Variants in SPECC1 observed in about 807,000 individuals in gnomAD.
SPECC1 encodes the protein cytospin-B.
SPECC1 carries 62 observed loss-of-function variants against 104.1 expected under a neutral mutation model. The ratio of observed to expected loss-of-function variants is 0.60; its 90% confidence interval spans 0.49 to 0.74. The LOEUF (loss-of-function observed/expected upper bound fraction) is 0.74, where lower values mean the gene tolerates loss of function less well. Among genes scored for constraint, SPECC1 ranks in the 30% least tolerant of loss-of-function variants. The pLI is 0.00. For missense variants in SPECC1, 1,306 were observed against 1,310.5 expected (o/e 1.00, Z 0.05); for synonymous variants, 513 against 501.6 (o/e 1.02, Z -0.30).
chr17:20,257,817 A>C (rs1356827330), intron 11 of SPECC1, among the ~76,000 whole-genome samples: 1 of 152,256 alleles, frequency 6.6e-6, no homozygotes, highest in Non-Finnish European at 1.5e-5. Flanking sequence ...GTAAAAAACA[A>C]TACTGCATAA....
In SPECC1 at chr17:20,077,462, G is replaced by GT. The variant is rs758407343; in HGVS notation, c.-21-19166dup. 1.6e-3 allele frequency among the ~76,000 whole-genome samples: 241 copies of GT among 148,628 alleles called. 2 individuals are homozygous for GT. The highest frequency in any genetic ancestry group is 4.3e-3 in the African/African-American group (168 of 38,696). On this transcript the variant is annotated intron_variant, in intron 1 of 14. Transcript: ENST00000395527. ...TAGCTTTTGTGGCTTTTTTTTGTTT[G>GT]TTTGTTTTGTTTTTTTGTTTTTGAG...
At chr17:20,056,510 A>C (rs1245096943) in intron 1 of SPECC1, 1 of 216,246 alleles carries the variant, frequency 4.6e-6, no homozygotes, top group Admixed American at 4.2e-5. Context: ...ATTGTGCTTC[A>C]AGGGATTAGG....
At position 20,253,539 on chromosome 17, in the gene SPECC1, G is replaced by A. The variant is rs2039710128; in HGVS notation, c.2633G>A (p.Ser878Asn). ...ACTTACAGCAGTGTGCGGCCAGCCAGCAGAGGGGTGACTCAACGCTTGGAC... is the reference window on the plus strand; with the variant it reads ...ACTTACAGCAGTGTGCGGCCAGCCAACAGAGGGGTGACTCAACGCTTGGAC... ...HSTYSSVRPA[S>N]RGVTQRLDLP... is the part of the protein sequence containing the mutation. The change falls in exon 10 of 15, where the codon AGC becomes AAC. Residue 878 changes from serine to asparagine, a missense_variant. By Grantham distance (46) the Ser-to-Asn change is conservative. This residue lies in a region of SPECC1 where 1,177 missense variants were observed against 1,139.9 expected (regional missense o/e 1.03). Coordinates refer to ENST00000395527, the MANE Select transcript of SPECC1 (RefSeq NM_001243439.2). 1.9e-6 allele frequency: 3 copies of A among 1,614,068 alleles called. No homozygotes were observed. Among genetic ancestry groups the A allele is most frequent in the Non-Finnish European group, 2.5e-6 (3 of 1,180,020 alleles).
chr17:20,056,498 C>T (rs955094646), intron 1 of SPECC1: 7 of 213,186 alleles, frequency 3.3e-5, no homozygotes, highest in Middle Eastern at 8.4e-4. Flanking sequence ...AGGGCTTTTT[C>T]GATTGTGCTT....
At chr17:20,253,438 A>G in intron 9 of SPECC1, 67 bp from the exon 10 acceptor site, 1 of 1,511,234 alleles carries the variant, frequency 6.6e-7, no homozygotes, top group Non-Finnish European at 9.2e-7. Context: ...GCACACACAC[A>G]CATCTGTGTT....
chr17:20,299,483 C>T (rs987209538), intron 13 of SPECC1, among the ~76,000 whole-genome samples: 2 of 141,944 alleles, frequency 1.4e-5, no homozygotes, highest in African/African-American at 5.5e-5. Context: ...TCACTTGACT[C>T]TGGGAGTTTG....
Position 20,253,337 on chromosome 17 carries a change from A to G in SPECC1, c.2599-168A>G, listed in dbSNP as rs72830200. On this transcript the variant is annotated intron_variant, in intron 9 of 14. Transcript: ENST00000395527. The stretch of plus-strand genomic sequence containing the variant: ...TTCATTGCTTTTGGGGATAGTGTCT[A>G]TTGCATGTATTACCTATTCAAATAA... Among the ~76,000 whole-genome samples the G allele has an allele frequency of 6.1e-3, 926 of 152,208 alleles. 8 individuals carry two copies. The highest frequency in any genetic ancestry group is 0.012 in the Admixed American group (189 of 15,288).
intron 3 of SPECC1, among the ~76,000 whole-genome samples, chr17:20,197,728 T>G (rs2036133073): frequency 6.6e-6 from 1 of 152,200 alleles, no homozygotes; most frequent in South Asian, 2.1e-4. Flanking sequence ...TTCAGGGATC[T>G]GTAGCCAAGT....
intron 14 of SPECC1, among the ~76,000 whole-genome samples, chr17:20,309,784 T>A (rs576451495): frequency 1.2e-4 from 18 of 151,980 alleles, no homozygotes; most frequent in African/African-American, 4.3e-4. Flanking sequence ...ACATTTTCTT[T>A]ATCCAGTCTA....
rs1597869817 is a variant in SPECC1 at position 20,169,061 on chromosome 17, C to CG, written c.284-35268dup. 2.6e-5 allele frequency among the ~76,000 whole-genome samples: 4 copies of CG among 152,126 alleles called. No individual in the cohort carries two copies. In the East Asian group the frequency reaches 7.7e-4, roughly 29 times the overall value. ...CTAATTTTTGTATTTTTTGTAGAGA[C>CG]GGGGTTTCACTATGTTGCCCAGGCT... On this transcript the variant is annotated intron_variant, in intron 3 of 14. Coordinates refer to ENST00000395527, the MANE Select transcript of SPECC1 (RefSeq NM_001243439.2).
intron 3 of SPECC1, among the ~76,000 whole-genome samples, chr17:20,133,631 A>T (rs2049772087): frequency 6.6e-6 from 1 of 152,150 alleles, no homozygotes; most frequent in Non-Finnish European, 1.5e-5. Flanking sequence ...CTCGGCCACC[A>T]TGGCTCCTGT....
In SPECC1 at chr17:20,298,976, TAGA is replaced by T. The variant is rs1476847980; in HGVS notation, c.3057+1900_3057+1902del. ...GTGTGTGTGTGTGTGTGTGTGTATG[TAGA>T]GAGAGAGAGAGAGAGAGGTGGGGGC... On this transcript the variant is annotated intron_variant, in intron 13 of 14. Coordinates refer to ENST00000395527, the MANE Select transcript of SPECC1 (RefSeq NM_001243439.2). Among the ~76,000 whole-genome samples, 55 of 77,408 alleles carry T rather than the reference TAGA, an allele frequency of 7.1e-4. 7 individuals are homozygous for T. Among genetic ancestry groups the T allele is most frequent in the East Asian group, 4.8e-3 (7 of 1,460 alleles). The allele number at this position is 77,408 out of a possible 152,430, so 50.8% of individuals were successfully genotyped here.
intron 4 of SPECC1, among the ~76,000 whole-genome samples, chr17:20,213,825 A>G (rs1597994310): frequency 6.6e-6 from 1 of 152,266 alleles, no homozygotes; most frequent in Middle Eastern, 3.4e-3. Context: ...TGGTGGAGAC[A>G]CCAGCCAAGC....
At chr17:20,134,538 C>T (rs147635388) in intron 3 of SPECC1, among the ~76,000 whole-genome samples, 1 of 152,272 alleles carries the variant, frequency 6.6e-6, no homozygotes, top group Non-Finnish European at 1.5e-5. Context: ...GTGCTTCGTA[C>T]TTCTAGTTGT....
At chr17:20,283,012 C>T (rs2040826480) in intron 12 of SPECC1, among the ~76,000 whole-genome samples, 1 of 151,886 alleles carries the variant, frequency 6.6e-6, no homozygotes, top group Non-Finnish European at 1.5e-5. Flanking sequence ...GACCCCATCT[C>T]TAAGAAAAGA....
In SPECC1 at chr17:20,298,977, A is replaced by G. The variant is rs201243626; in HGVS notation, c.3057+1900A>G. Among the ~76,000 whole-genome samples the G allele has an allele frequency of 0.013, 214 of 16,554 alleles. No homozygotes were observed. In the African/African-American group the frequency reaches 0.19, roughly 15 times the overall value. 10.9% of individuals were successfully genotyped at this position (16,554 alleles called of 152,430 possible). A position where few individuals can be genotyped will look rare whatever the true frequency, so the allele number is the denominator to read the frequency against. On this transcript the variant is annotated intron_variant, in intron 13 of 14. Coordinates refer to ENST00000395527, the MANE Select transcript of SPECC1 (RefSeq NM_001243439.2). ...TGTGTGTGTGTGTGTGTGTGTATGTAGAGAGAGAGAGAGAGAGAGGTGGGG... is the reference window on the plus strand; with the variant it reads ...TGTGTGTGTGTGTGTGTGTGTATGTGGAGAGAGAGAGAGAGAGAGGTGGGG...
At chr17:20,134,813 C>T (rs1225465446) in intron 3 of SPECC1, among the ~76,000 whole-genome samples, 1 of 152,114 alleles carries the variant, frequency 6.6e-6, no homozygotes, top group African/African-American at 2.4e-5. Flanking sequence ...GTAACTTGGT[C>T]AGGTTCCAGT....
chr17:20,209,610 T>C (rs1358011579), intron 4 of SPECC1, among the ~76,000 whole-genome samples: 1 of 152,170 alleles, frequency 6.6e-6, no homozygotes, highest in Non-Finnish European at 1.5e-5. Context: ...TTTCAACTTC[T>C]CTGATATACC....
intron 7 of SPECC1, chr17:20,237,177 A>T: frequency 7.5e-7 from 1 of 1,331,416 alleles, no homozygotes. Context: ...TGAAAAAAAC[A>T]AAGTACAAGT....
Sources: allele counts gnomAD v4.1 joint callset (sites outside exome capture counted in the v4.1 genomes callset), GRCh38; gene constraint gnomAD v4.1.1; regional missense constraint gnomAD v4.1.1; transcripts MANE v1.5; gene names NCBI Gene and HGNC (gene_info 2026-07-23, HGNC 2026-07-21).